The following MPPED1 variants were observed in gnomAD, a reference collection of about 807,000 sequenced individuals.
MPPED1 encodes the protein metallophosphoesterase domain containing 1.
Under a neutral mutation model 36.2 loss-of-function variants are expected in MPPED1, and 16 were observed. The observed-to-expected ratio is 0.44, with a 90% CI of 0.30 to 0.67. The LOEUF (loss-of-function observed/expected upper bound fraction) is 0.67. Ranked by LOEUF, MPPED1 falls within the 30% of genes least tolerant of loss-of-function variation. The probability of loss-of-function intolerance (pLI) is 0.10; values close to 1 mark genes in which losing one functional copy is unlikely to be tolerated. For missense variants in MPPED1, 307 were observed against 453.4 expected, an observed-to-expected ratio of 0.68 and a Z score of 2.93; for synonymous variants, 199 against 191.3, an observed-to-expected ratio of 1.04 and a Z score of -0.33.
At chr22:43,430,163 G>A (rs1233061375) in intron 2 of MPPED1, among the ~76,000 whole-genome samples, 1 of 152,180 alleles carries the variant, frequency 6.6e-6, no homozygotes, top group Non-Finnish European at 1.5e-5. Flanking sequence ...GTTGTTAGAA[G>A]CTGTCCCTGC....
chr22:43,462,868 A>G lies in MPPED1; in HGVS notation c.407-11868A>G, dbSNP rs80101921. On this transcript the variant is annotated intron_variant, in intron 3 of 6. Transcript: ENST00000443721. ...TTGTAACCCCTGGTTCTGGGATCCAATGGTTTCCTTTTTCTTGGTTTACTC... is the reference window on the plus strand; with the variant it reads ...TTGTAACCCCTGGTTCTGGGATCCAGTGGTTTCCTTTTTCTTGGTTTACTC... Among the ~76,000 whole-genome samples, 1,197 of 152,182 alleles carry G rather than the reference A, an allele frequency of 7.9e-3. 13 individuals carry two copies. Among genetic ancestry groups the G allele is most frequent in the African/African-American group, 0.027 (1,120 of 41,504 alleles).
intron 3 of MPPED1, among the ~76,000 whole-genome samples, chr22:43,445,073 T>G (rs1930290634): frequency 6.6e-6 from 1 of 152,142 alleles, no homozygotes; most frequent in Non-Finnish European, 1.5e-5. Context: ...GTAATTTGAT[T>G]AATGGCCCTG....
chr22:43,424,865 C>A, intron 1 of MPPED1, 43 bp from the exon 2 acceptor site: 1 of 1,471,718 alleles, frequency 6.8e-7, no homozygotes, highest in South Asian at 1.3e-5. Context: ...AAAGCAAATC[C>A]CAAACAGATT....
At chr22:43,453,449 C>A (rs1930644186) in intron 3 of MPPED1, among the ~76,000 whole-genome samples, 1 of 152,066 alleles carries the variant, frequency 6.6e-6, no homozygotes, top group Non-Finnish European at 1.5e-5. Context: ...CCAAACCCAG[C>A]ACAATCCTTG....
At chr22:43,416,875 T>C in intron 1 of MPPED1, 1 of 458,844 alleles carries the variant, frequency 2.2e-6, no homozygotes, top group Non-Finnish European at 2.9e-6. Flanking sequence ...GTGTGTTTCT[T>C]TGCGTCTCGG....
chr22:43,449,588 G>A (rs965717033), intron 3 of MPPED1, among the ~76,000 whole-genome samples: 6 of 152,046 alleles, frequency 3.9e-5, no homozygotes, highest in African/African-American at 1.2e-4. Flanking sequence ...TCCCCTGCTC[G>A]GCCCCATCCC....
chr22:43,428,289 G>C (rs553169864), intron 2 of MPPED1, among the ~76,000 whole-genome samples: 1 of 152,198 alleles, frequency 6.6e-6, no homozygotes, highest in Non-Finnish European at 1.5e-5. Flanking sequence ...GAGAGTTCCC[G>C]GCTTCTGCTG....
At chr22:43,467,361 G>C (rs1366709037) in intron 3 of MPPED1, among the ~76,000 whole-genome samples, 3 of 152,238 alleles carry the variant, frequency 2.0e-5, no homozygotes, top group Non-Finnish European at 4.4e-5. Flanking sequence ...CCTGCACTGT[G>C]TTCCCCTGAA....
intron 3 of MPPED1, among the ~76,000 whole-genome samples, chr22:43,440,042 G>A (rs1930095583): frequency 6.6e-6 from 1 of 152,248 alleles, no homozygotes; most frequent in Admixed American, 6.5e-5. Context: ...CTGAAGGGGA[G>A]GGTCAAGGCT....
chr22:43,488,205 A>T lies in MPPED1; in HGVS notation c.633-10030A>T, dbSNP rs547764625. ...CGGCCCCTACGCCGCCCTCAGCCTC[A>T]TGCCCCGGCCCGGGTGTGCCTGTGT... On this transcript the variant is annotated intron_variant, in intron 4 of 6. Transcript: ENST00000443721. 7.8e-4 allele frequency among the ~76,000 whole-genome samples: 118 copies of T among 152,102 alleles called. 1 individual carries two copies. Among genetic ancestry groups the T allele is most frequent in the African/African-American group, 2.3e-3 (94 of 41,500 alleles).
intron 6 of MPPED1, among the ~76,000 whole-genome samples, chr22:43,503,249 C>T (rs1263858883): frequency 1.3e-5 from 2 of 152,220 alleles, no homozygotes; most frequent in African/African-American, 2.4e-5. Context: ...CTATCATCCA[C>T]ATGGCCACGC....
chr22:43,487,560 T>C (rs1602007848), intron 4 of MPPED1, among the ~76,000 whole-genome samples: 1 of 151,814 alleles, frequency 6.6e-6, no homozygotes, highest in East Asian at 1.9e-4. Flanking sequence ...GTGGGTGGGG[T>C]CCTAGGAGCC....
At chr22:43,491,769 G>A (rs1357611067) in intron 4 of MPPED1, among the ~76,000 whole-genome samples, 4 of 149,884 alleles carry the variant, frequency 2.7e-5, no homozygotes, top group South Asian at 2.1e-4. Flanking sequence ...GGTGATGGAG[G>A]TGGTAATGGA....
Position 43,500,213 on chromosome 22 carries a change from G to GAA in MPPED1, c.748+1863_748+1864insAA, listed in dbSNP as rs1321387966. ...TGATGGAGGTGGTAATGGAGGTGGTGGGGGTGATGGTGGAGGTGGTGATGG... is the reference window on the plus strand; with the variant it reads ...TGATGGAGGTGGTAATGGAGGTGGTGAAGGGGTGATGGTGGAGGTGGTGATGG... On this transcript the variant is annotated intron_variant, in intron 5 of 6. Transcript: ENST00000443721. Among the ~76,000 whole-genome samples the GAA allele has an allele frequency of 1.7e-4, 17 of 100,952 alleles. 2 individuals carry two copies. Among genetic ancestry groups the GAA allele is most frequent in the Non-Finnish European group, 2.4e-4 (12 of 50,336 alleles). The allele number at this position is 100,952 out of a possible 152,430, so 66.2% of individuals were successfully genotyped here. A position where few individuals can be genotyped will look rare whatever the true frequency, so the allele number is the denominator to read the frequency against.
intron 3 of MPPED1, among the ~76,000 whole-genome samples, chr22:43,463,859 C>CTTTCTT (rs1555901279): frequency 1.8e-4 from 20 of 109,718 alleles, no homozygotes; most frequent in African/African-American, 6.5e-4. Flanking sequence ...TTCTTTCTTT[C>CTTTCTT]TTTCTTTCTT....
chr22:43,433,677 G>A (rs1387357572), intron 2 of MPPED1, among the ~76,000 whole-genome samples: 1 of 151,574 alleles, frequency 6.6e-6, no homozygotes, highest in African/African-American at 2.4e-5. Context: ...CGGATGGAGC[G>A]CGCTAGTGCG....
At chr22:43,420,112 C>A (rs1285497878) in intron 1 of MPPED1, among the ~76,000 whole-genome samples, 2 of 152,088 alleles carry the variant, frequency 1.3e-5, no homozygotes, top group South Asian at 4.2e-4. Context: ...CCTCTGTAAC[C>A]CCTCAAGGGG....
chr22:43,498,340 A>G lies in MPPED1; in HGVS notation c.738A>G (p.Gly246=), dbSNP rs1336373662. 6.5e-7 allele frequency: 1 copy of G among 1,533,894 alleles called. No homozygotes were observed. Among genetic ancestry groups the G allele is most frequent in the East Asian group, 2.4e-5 (1 of 40,876 alleles). ...GCGTAGACATCCTGATAACCCATGGACCACCACTGGGTAAGGCTCTGCTGG... is the reference window on the plus strand; with the variant it reads ...GCGTAGACATCCTGATAACCCATGGGCCACCACTGGGTAAGGCTCTGCTGG... ...PEGVDILITH[G]PPLGFLDWVP... Residue 246 remains glycine, a synonymous_variant, in exon 5 of 7, where the codon GGA becomes GGG. Coordinates refer to ENST00000443721, the MANE Select transcript of MPPED1 (RefSeq NM_001044370.2).
chr22:43,475,062 T>C, intron 4 of MPPED1, 101 bp downstream of exon 4: 1 of 1,056,804 alleles, frequency 9.5e-7, no homozygotes, highest in Non-Finnish European at 1.4e-6. Flanking sequence ...GAGCTCCGGA[T>C]GCGAGGCTCA....
Sources: gnomAD v4.1 joint callset for allele counts (sites outside exome capture counted in the v4.1 genomes callset) on GRCh38, gnomAD v4.1.1 for gene constraint, MANE v1.5 for transcripts, NCBI Gene and HGNC (gene_info 2026-07-23, HGNC 2026-07-21) for gene names.